Variants in VAMP7 observed in about 807,000 individuals in gnomAD.
VAMP7 encodes the protein vesicle-associated membrane protein 7.
Under a neutral mutation model 29.6 loss-of-function variants are expected in VAMP7, and 14 were observed. The ratio of observed to expected loss-of-function variants is 0.47; its 90% CI spans 0.31 to 0.74. VAMP7 has a LOEUF of 0.74. Among genes scored for constraint, VAMP7 ranks in the 30% least tolerant of loss-of-function variants. The pLI, the probability that VAMP7 is intolerant of heterozygous loss-of-function variation, is 0.05. For synonymous variants in VAMP7, 95 were observed against 88.1 expected (o/e 1.08, Z -0.44); for missense variants, 223 against 262.4 (o/e 0.85, Z 1.04).
chrX:155,919,110 A>G (rs1321841695), intron 5 of VAMP7, among the ~76,000 whole-genome samples: 5 of 151,954 alleles, frequency 3.3e-5, no homozygotes, highest in Admixed American at 6.6e-5. Context: ...GAGTAGGGAG[A>G]ATTCCCTCCT....
intron 2 of VAMP7, among the ~76,000 whole-genome samples, chrX:155,891,391 T>G (rs1431242872): frequency 6.6e-6 from 1 of 152,064 alleles, no homozygotes; most frequent in East Asian, 1.9e-4. Context: ...TGTGTTTGGC[T>G]CCAAGTCCAG....
At chrX:155,893,366 A>G (rs751882496) in intron 2 of VAMP7, among the ~76,000 whole-genome samples, 1 of 152,256 alleles carries the variant, frequency 6.6e-6, no homozygotes, top group South Asian at 2.1e-4. Context: ...AACAAACTAC[A>G]ACAAAACATG....
intron 6 of VAMP7, among the ~76,000 whole-genome samples, chrX:155,930,836 A>G (rs1381331874): frequency 2.0e-5 from 3 of 152,010 alleles, no homozygotes; most frequent in Non-Finnish European, 2.9e-5. Flanking sequence ...CATTAGGTAT[A>G]TCTCCAAATG....
intron 5 of VAMP7, among the ~76,000 whole-genome samples, chrX:155,909,955 A>C (rs1488171613): frequency 6.6e-6 from 1 of 152,146 alleles, no homozygotes; most frequent in African/African-American, 2.4e-5. Context: ...GAACATTTCA[A>C]ATTCTCTCTT....
intron 6 of VAMP7, among the ~76,000 whole-genome samples, chrX:155,937,124 G>A (rs1270807219): frequency 1.3e-5 from 2 of 151,994 alleles, no homozygotes; most frequent in Non-Finnish European, 2.9e-5. Flanking sequence ...CTAAAATGTG[G>A]ATGAAACTAG....
chrX:155,941,849 C>A (rs1312786755), intron 7 of VAMP7, 34 bp from the exon 8 acceptor site: 27 of 1,604,378 alleles, frequency 1.7e-5, no homozygotes, highest in Non-Finnish European at 2.1e-5. Flanking sequence ...ATGATTGATT[C>A]AAGAAAATAA....
intron 5 of VAMP7, among the ~76,000 whole-genome samples, chrX:155,908,476 C>T (rs1203825228): frequency 6.6e-6 from 1 of 151,918 alleles, no homozygotes; most frequent in East Asian, 1.9e-4. Context: ...TGCAGTGAGC[C>T]GAGATAGCAG....
At chrX:155,889,418 A>G in intron 1 of VAMP7, 40 bp from the exon 2 acceptor site, 1 of 1,593,006 alleles carries the variant, frequency 6.3e-7, no homozygotes, top group Non-Finnish European at 8.6e-7. Context: ...AGATTATGTC[A>G]AAGAAATATT....
intron 1 of VAMP7, among the ~76,000 whole-genome samples, chrX:155,885,856 T>G (rs1421544756): frequency 1.3e-5 from 2 of 152,174 alleles, no homozygotes; most frequent in Admixed American, 1.3e-4. Flanking sequence ...TGCCAACATC[T>G]TGATTTTGGA....
At chrX:155,925,979 G>A (rs1380382553) in intron 6 of VAMP7, among the ~76,000 whole-genome samples, 3 of 151,990 alleles carry the variant, frequency 2.0e-5, no homozygotes, top group Non-Finnish European at 1.5e-5. Context: ...TACTTTGAAA[G>A]GAATCTTTTC....
chrX:155,935,507 G>A (rs1196286761), intron 6 of VAMP7, among the ~76,000 whole-genome samples: 2 of 152,044 alleles, frequency 1.3e-5, no homozygotes, highest in Non-Finnish European at 1.5e-5. Context: ...ACTGAAGTTT[G>A]TGCATTCGTC....
chrX:155,907,004 G>C (rs1287776444), intron 5 of VAMP7, among the ~76,000 whole-genome samples: 2 of 151,876 alleles, frequency 1.3e-5, no homozygotes, highest in Non-Finnish European at 2.9e-5. Context: ...TTGTTGAGTG[G>C]TTTTATCATT....
In VAMP7 at chrX:155,943,693, G is replaced by A. The variant is rs2066780524; in HGVS notation, c.*1742G>A. On this transcript the variant is annotated 3_prime_UTR_variant, in exon 8 of 8. Coordinates refer to ENST00000286448, the MANE Select transcript of VAMP7 (RefSeq NM_005638.6). ...CCTTGGTCTATTTATGTATAAGAAT[G>A]CTTTTTAAAGCACATGTCTCATTTT... 1 of 152,094 alleles carries A rather than the reference G, an allele frequency of 6.6e-6. No homozygotes were observed. The highest frequency in any genetic ancestry group is 6.6e-5 in the Admixed American group (1 of 15,258). The allele number at this position is 152,094 out of a possible 1,614,324, so 9.4% of individuals were successfully genotyped here. A position where few individuals can be genotyped will look rare whatever the true frequency, so the allele number is the denominator to read the frequency against.
chrX:155,896,901 G>T (rs1484479771), intron 3 of VAMP7, among the ~76,000 whole-genome samples: 1 of 151,766 alleles, frequency 6.6e-6, no homozygotes, highest in Admixed American at 6.6e-5. Context: ...TTTCCAGAAT[G>T]CTTTTAAATG....
chrX:155,888,416 G>A (rs189301802), intron 1 of VAMP7, among the ~76,000 whole-genome samples: 102 of 152,294 alleles, frequency 6.7e-4, no homozygotes, highest in African/African-American at 2.3e-3. Flanking sequence ...CTCATACTCT[G>A]CCACACAAGA....
intron 1 of VAMP7, among the ~76,000 whole-genome samples, chrX:155,886,459 AAC>A (rs903334672): frequency 1.3e-5 from 2 of 152,194 alleles, no homozygotes; most frequent in Admixed American, 1.3e-4. Flanking sequence ...TATTGGAAGA[AAC>A]ACTACTTGCG....
intron 5 of VAMP7, among the ~76,000 whole-genome samples, chrX:155,919,480 G>T (rs1297798421): frequency 6.6e-6 from 1 of 152,116 alleles, no homozygotes; most frequent in African/African-American, 2.4e-5. Flanking sequence ...CTATGGTGTT[G>T]GTTGGGCAGG....
intron 6 of VAMP7, among the ~76,000 whole-genome samples, chrX:155,933,308 A>G (rs1437546213): frequency 6.6e-6 from 1 of 152,192 alleles, no homozygotes; most frequent in East Asian, 1.9e-4. Context: ...CTCTGGTAGA[A>G]TTCGGCTGTG....
At chrX:155,932,570 T>G (rs1388239011) in intron 6 of VAMP7, among the ~76,000 whole-genome samples, 2 of 152,132 alleles carry the variant, frequency 1.3e-5, no homozygotes, top group Non-Finnish European at 2.9e-5. Flanking sequence ...TATCAAGACT[T>G]TGCTGGAGTT....
Sources: allele counts gnomAD v4.1 joint callset (sites outside exome capture counted in the v4.1 genomes callset), GRCh38; gene constraint gnomAD v4.1.1; transcripts MANE v1.5; gene names NCBI Gene and HGNC (gene_info 2026-07-23, HGNC 2026-07-21).